NKAIN2: variants seen among roughly 807,000 people sequenced by gnomAD.
NKAIN2 encodes the protein sodium/potassium transporting ATPase interacting 2, also known as sodium/potassium-transporting ATPase subunit beta-1-interacting protein 2.
NKAIN2 carries 14 observed loss-of-function variants against 32.6 expected under a neutral mutation model. The ratio of observed to expected loss-of-function variants is 0.43; its 90% CI spans 0.28 to 0.67. NKAIN2 has a LOEUF of 0.67. Ranked by LOEUF, NKAIN2 falls within the 30% of genes least tolerant of loss-of-function variation. NKAIN2 has a pLI of 0.17. For missense variants in NKAIN2, 198 were observed against 258.3 expected (o/e 0.77, Z 1.60); for synonymous variants, 80 against 87.2 (o/e 0.92, Z 0.46).
chr6:124,677,325 T>A (rs1224720073), intron 4 of NKAIN2, among the ~76,000 whole-genome samples: 1 of 152,206 alleles, frequency 6.6e-6, no homozygotes, highest in Admixed American at 6.5e-5. Context: ...AGGAGTTTAA[T>A]CTGTTTATAT....
At chr6:124,054,697 C>CA (rs767651363) in intron 1 of NKAIN2, among the ~76,000 whole-genome samples, 29 of 151,910 alleles carry the variant, frequency 1.9e-4, no homozygotes, top group Non-Finnish European at 4.1e-4. Flanking sequence ...GGAGTGGGCC[C>CA]CTTAGCCATT....
chr6:124,566,241 A>G (rs966203294), intron 3 of NKAIN2, among the ~76,000 whole-genome samples: 2 of 152,188 alleles, frequency 1.3e-5, no homozygotes, highest in East Asian at 1.9e-4. Flanking sequence ...TAGCTCCACC[A>G]TACCCCAACC....
At chr6:123,914,514 C>T (rs1189493005) in intron 1 of NKAIN2, among the ~76,000 whole-genome samples, 1 of 152,058 alleles carries the variant, frequency 6.6e-6, no homozygotes, top group Non-Finnish European at 1.5e-5. Context: ...TCAAATACAG[C>T]CACACAAAGG....
intron 2 of NKAIN2, among the ~76,000 whole-genome samples, chr6:124,327,553 T>C (rs1382803469): frequency 6.6e-6 from 1 of 152,192 alleles, no homozygotes; most frequent in East Asian, 1.9e-4. Context: ...GCAAACATTT[T>C]AGTCTTGTGT....
intron 1 of NKAIN2, among the ~76,000 whole-genome samples, chr6:123,932,162 G>A (rs962360937): frequency 2.6e-5 from 4 of 151,964 alleles, no homozygotes; most frequent in Non-Finnish European, 4.4e-5. Flanking sequence ...CTTTTCCCCC[G>A]GCTTCCTAAG....
intron 1 of NKAIN2, among the ~76,000 whole-genome samples, chr6:124,275,201 A>G (rs2753144): frequency 0.28 from 42,994 of 151,950 alleles, 6,396 homozygotes; most frequent in East Asian, 0.42. Context: ...TAGATGGCAT[A>G]TTTAGAATTA....
At chr6:124,515,697 T>C (rs1778881640) in intron 3 of NKAIN2, among the ~76,000 whole-genome samples, 1 of 16,590 alleles carries the variant, frequency 6.0e-5, no homozygotes, top group African/African-American at 1.6e-4. Flanking sequence ...CCCTACTTCA[T>C]TTTTCTTCGC....
At chr6:124,625,247 A>AT (rs1272831225) in intron 3 of NKAIN2, among the ~76,000 whole-genome samples, 1 of 152,014 alleles carries the variant, frequency 6.6e-6, no homozygotes, top group African/African-American at 2.4e-5. Flanking sequence ...CCTGGGACAT[A>AT]TTTTCTCTAC....
At chr6:124,063,151 C>T (rs1335771989) in intron 1 of NKAIN2, among the ~76,000 whole-genome samples, 2 of 151,852 alleles carry the variant, frequency 1.3e-5, no homozygotes, top group Non-Finnish European at 2.9e-5. Flanking sequence ...TGCCACTGCA[C>T]TCCAGCCTGG....
intron 1 of NKAIN2, among the ~76,000 whole-genome samples, chr6:124,161,730 G>A (rs369838576): frequency 2.6e-5 from 4 of 152,146 alleles, no homozygotes; most frequent in African/African-American, 7.2e-5. Context: ...ACTTATAAGT[G>A]GGAGCTAAAC....
At chr6:124,801,457 G>T (rs556667032) in intron 5 of NKAIN2, among the ~76,000 whole-genome samples, 12 of 152,174 alleles carry the variant, frequency 7.9e-5, no homozygotes, top group Admixed American at 2.6e-4. Context: ...CAATCATTTA[G>T]AGGCAGAACT....
At chr6:124,671,095 C>T (rs1004527511) in intron 4 of NKAIN2, among the ~76,000 whole-genome samples, 9 of 152,094 alleles carry the variant, frequency 5.9e-5, no homozygotes, top group South Asian at 2.1e-4. Context: ...AGCAGAACCA[C>T]GAAGGATGTG....
chr6:124,201,764 A>G (rs896275194), intron 1 of NKAIN2, among the ~76,000 whole-genome samples: 1 of 152,050 alleles, frequency 6.6e-6, no homozygotes, highest in East Asian at 1.9e-4. Context: ...AAGAAAAGTT[A>G]TCAAATGGTA....
At chr6:123,817,553 G>A (rs1773744992) in intron 1 of NKAIN2, among the ~76,000 whole-genome samples, 1 of 152,170 alleles carries the variant, frequency 6.6e-6, no homozygotes, top group Admixed American at 6.5e-5. Flanking sequence ...AGACCTGTGA[G>A]AGTCATGCTC....
rs190112973 is a variant in NKAIN2, at chr6:124,288,181, A to G, written c.192+5039A>G. 1.4e-4 allele frequency among the ~76,000 whole-genome samples: 22 copies of G among 152,258 alleles called. No individual in the cohort carries two copies. In the East Asian group the frequency reaches 4.2e-3, roughly 29 times the overall value. ...TCTTCATAAATTCTATAACCCTCAC[A>G]TTAACTTGACACAACTTTTGTTCAA... On this transcript the variant is annotated intron_variant, in intron 2 of 6. Transcript: ENST00000368417.
intron 2 of NKAIN2, among the ~76,000 whole-genome samples, chr6:124,319,647 G>A (rs1019620282): frequency 2.0e-5 from 3 of 151,930 alleles, no homozygotes; most frequent in African/African-American, 4.8e-5. Flanking sequence ...CAGTAACTGC[G>A]AGTGCTAAAA....
chr6:124,273,100 A>T, intron 1 of NKAIN2, among the ~76,000 whole-genome samples: 1 of 152,102 alleles, frequency 6.6e-6, no homozygotes, highest in Non-Finnish European at 1.5e-5. Context: ...ATGAGTTAAG[A>T]CTTTGGGGCA....
At chr6:124,599,157 C>A (rs1782211768) in intron 3 of NKAIN2, among the ~76,000 whole-genome samples, 1 of 151,290 alleles carries the variant, frequency 6.6e-6, no homozygotes, top group Non-Finnish European at 1.5e-5. Flanking sequence ...TACTTCCTGT[C>A]TTTGGTGCCT....
intron 1 of NKAIN2, among the ~76,000 whole-genome samples, chr6:124,128,348 G>T (rs1040744514): frequency 6.6e-6 from 1 of 152,186 alleles, no homozygotes; most frequent in African/African-American, 2.4e-5. Context: ...ACTGAGAAGC[G>T]AAGCATTTCA....
Sources: gnomAD v4.1 joint callset for allele counts (sites outside exome capture counted in the v4.1 genomes callset) on GRCh38, gnomAD v4.1.1 for gene constraint, MANE v1.5 for transcripts, NCBI Gene and HGNC (gene_info 2026-07-23, HGNC 2026-07-21) for gene names.